NGF: variants seen among roughly 807,000 people sequenced by gnomAD.
NGF encodes nerve growth factor, also known as beta-nerve growth factor.
NGF carries 4 observed loss-of-function variants against 12.8 expected under a neutral mutation model. The observed-to-expected ratio is 0.31, with a 90% CI of 0.15 to 0.72. The LOEUF (loss-of-function observed/expected upper bound fraction) is 0.72, where lower values mean the gene tolerates loss of function less well. Among genes scored for constraint, NGF ranks in the 30% least tolerant of loss-of-function variants. The pLI is 0.69. For missense variants in NGF, 283 were observed against 330.8 expected, an observed-to-expected ratio of 0.86 and a Z score of 1.12; for synonymous variants, 140 against 130.0, an observed-to-expected ratio of 1.08 and a Z score of -0.52.
Position 115,286,733 on chromosome 1 carries a change from G to T in NGF, c.63C>A (p.His21Gln). 6.2e-7 allele frequency: 1 copy of T among 1,614,238 alleles called. No individual in the cohort carries two copies. Among genetic ancestry groups the T allele is most frequent in the South Asian group, 1.1e-5 (1 of 91,088 alleles). The change falls in exon 3 of 3, where the codon CAC becomes CAA. Residue 21 changes from histidine to glutamine, a missense_variant. His to Gln is a conservative substitution (Grantham distance 24, BLOSUM62 0). Around this residue, in one of 2 missense-constraint regions of NGF, gnomAD observed 151 missense variants for 141.6 expected, o/e 1.07. Transcript: ENST00000369512. ...GTCCTGCAGGGACATTGCTCTCTGA[G>T]TGTGGTTCCGCCTGTATGCCGATCA... The part of the protein sequence containing the change: ...AFLIGIQAEP[H>Q]SESNVPAGHT...
chr1:115,310,447 G>A (rs1041541853), intron 1 of NGF, among the ~76,000 whole-genome samples: 1 of 152,184 alleles, frequency 6.6e-6, no homozygotes, highest in Admixed American at 6.5e-5. Context: ...CTGAGCCTGG[G>A]CCTTTTCAGG....
chr1:115,332,422 T>G (rs2101056458), intron 1 of NGF, among the ~76,000 whole-genome samples: 1 of 152,290 alleles, frequency 6.6e-6, no homozygotes, highest in Middle Eastern at 3.4e-3. Flanking sequence ...AAGTCTTCAA[T>G]GCAACCAAAA....
intron 1 of NGF, among the ~76,000 whole-genome samples, chr1:115,296,708 GA>G (rs1476993085): frequency 1.3e-5 from 2 of 152,300 alleles, no homozygotes; most frequent in East Asian, 3.9e-4. Flanking sequence ...ACTGCAGAGA[GA>G]AATTCTCTGT....
intron 1 of NGF, among the ~76,000 whole-genome samples, chr1:115,328,683 T>C (rs909129282): frequency 3.3e-5 from 5 of 152,158 alleles, no homozygotes; most frequent in Admixed American, 3.3e-4. Context: ...TATGATTTTG[T>C]GGGATCAGAA....
intron 1 of NGF, among the ~76,000 whole-genome samples, chr1:115,336,731 C>T (rs536637319): frequency 6.6e-6 from 1 of 152,224 alleles, no homozygotes; most frequent in Non-Finnish European, 1.5e-5. Context: ...TGCCCTTCTG[C>T]ACTGCCTCGA....
intron 1 of NGF, among the ~76,000 whole-genome samples, chr1:115,304,027 T>A (rs1654125183): frequency 6.6e-6 from 1 of 152,220 alleles, no homozygotes; most frequent in African/African-American, 2.4e-5. Context: ...GATTTTTCTT[T>A]TCTTTTGTCA....
intron 1 of NGF, among the ~76,000 whole-genome samples, chr1:115,308,135 T>C (rs1349411787): frequency 6.6e-6 from 1 of 152,248 alleles, no homozygotes; most frequent in Non-Finnish European, 1.5e-5. Flanking sequence ...ACATTGAGTT[T>C]GCATCATTGC....
intron 2 of NGF, among the ~76,000 whole-genome samples, chr1:115,289,406 C>G (rs1653615612): frequency 6.6e-6 from 1 of 152,098 alleles, no homozygotes; most frequent in African/African-American, 2.4e-5. Context: ...TCCCTATTCC[C>G]CATTACCAGA....
Position 115,286,808 on chromosome 1 carries a change from C to A in NGF, c.-12-1G>T, listed in dbSNP as rs1174160366. ...ACAACATGGACATTACGCTATGCAC[C>A]TGGAATGAAAAAGAAATGAGGGTGA... On this transcript the variant is annotated splice_acceptor_variant, in intron 2 of 2. Coordinates refer to ENST00000369512, the MANE Select transcript of NGF (RefSeq NM_002506.3). LOFTEE classifies it low-confidence loss of function (5UTR_SPLICE). 1 of 1,613,902 alleles carries A rather than the reference C, an allele frequency of 6.2e-7. No homozygotes were observed. Among genetic ancestry groups the A allele is most frequent in the Non-Finnish European group, 8.5e-7 (1 of 1,180,036 alleles).
chr1:115,317,352 C>T (rs74114044), intron 1 of NGF, among the ~76,000 whole-genome samples: 3,597 of 152,250 alleles, frequency 0.024, 126 homozygotes, highest in African/African-American at 0.081. Context: ...CAGAAGCCCA[C>T]GGTCTAGCTT....
At chr1:115,329,496 C>CT (rs2101054256) in intron 1 of NGF, among the ~76,000 whole-genome samples, 1 of 152,218 alleles carries the variant, frequency 6.6e-6, no homozygotes, top group Admixed American at 6.5e-5. Context: ...GGCTTTCACA[C>CT]TTTTTTTGAC....
At chr1:115,298,817 C>T (rs556237006) in intron 1 of NGF, among the ~76,000 whole-genome samples, 5 of 152,020 alleles carry the variant, frequency 3.3e-5, no homozygotes, top group South Asian at 2.1e-4. Flanking sequence ...CCCCTTTCTC[C>T]TAGTTTCCAC....
At chr1:115,320,692 A>G (rs953302847) in intron 1 of NGF, among the ~76,000 whole-genome samples, 1 of 152,226 alleles carries the variant, frequency 6.6e-6, no homozygotes. Flanking sequence ...ATATTTTCGG[A>G]CCACAACTGA....
At chr1:115,296,114 G>A (rs986603579) in intron 1 of NGF, among the ~76,000 whole-genome samples, 1 of 151,748 alleles carries the variant, frequency 6.6e-6, no homozygotes, top group Non-Finnish European at 1.5e-5. Flanking sequence ...TCTGAGCAGG[G>A]TTCTTAAGGA....
At chr1:115,311,200 A>G (rs556960876) in intron 1 of NGF, among the ~76,000 whole-genome samples, 44 of 152,302 alleles carry the variant, frequency 2.9e-4, no homozygotes, top group Admixed American at 2.0e-3. Flanking sequence ...ATTTATCATT[A>G]GTCTTAAAAC....
chr1:115,298,988 T>A (rs1362181186), intron 1 of NGF, among the ~76,000 whole-genome samples: 1 of 152,138 alleles, frequency 6.6e-6, no homozygotes, highest in East Asian at 1.9e-4. Context: ...TTACCCTGAG[T>A]CTGTGCACAA....
chr1:115,314,431 A>C (rs893898088), intron 1 of NGF, among the ~76,000 whole-genome samples: 5 of 152,244 alleles, frequency 3.3e-5, no homozygotes, highest in Non-Finnish European at 5.9e-5. Context: ...CATTGGGACT[A>C]TCTCTCAGAA....
intron 1 of NGF, among the ~76,000 whole-genome samples, chr1:115,307,570 A>G (rs924840236): frequency 1.3e-5 from 2 of 152,232 alleles, no homozygotes; most frequent in Non-Finnish European, 2.9e-5. Context: ...TCCCTAGAGA[A>G]AAAGTCCAAG....
intron 2 of NGF, among the ~76,000 whole-genome samples, chr1:115,289,366 G>C (rs1384204269): frequency 2.0e-5 from 3 of 152,098 alleles, no homozygotes; most frequent in African/African-American, 7.2e-5. Context: ...CTAAATAAAA[G>C]GGTTTCGATG....
Sources: allele counts gnomAD v4.1 joint callset (sites outside exome capture counted in the v4.1 genomes callset), GRCh38; gene constraint gnomAD v4.1.1; regional missense constraint gnomAD v4.1.1; transcripts MANE v1.5; gene names NCBI Gene and HGNC (gene_info 2026-07-23, HGNC 2026-07-21).